Variants in ARHGAP32 observed in about 807,000 individuals in gnomAD.
The protein encoded by ARHGAP32 is Rho GTPase activating protein 32, also known as rho GTPase-activating protein 32.
Under a neutral mutation model 186.5 loss-of-function variants are expected in ARHGAP32, and 51 were observed. The ratio of observed to expected loss-of-function variants is 0.27; its 90% confidence interval spans 0.22 to 0.35. The LOEUF is 0.35. Ranked by LOEUF, ARHGAP32 falls within the 10% of genes least tolerant of loss-of-function variation. ARHGAP32 has a pLI of 1.00. For synonymous variants in ARHGAP32, 950 were observed against 964.3 expected (o/e 0.99, Z 0.27); for missense variants, 2,186 against 2,623.5 (o/e 0.83, Z 3.64).
chr11:129,181,818 A>G (rs1044463394), intron 1 of ARHGAP32, among the ~76,000 whole-genome samples: 1 of 152,146 alleles, frequency 6.6e-6, no homozygotes, highest in African/African-American at 2.4e-5. Flanking sequence ...AAAGGCATAT[A>G]AAGAAAAATT....
chr11:128,984,375 A>AG (rs1477076489), intron 15 of ARHGAP32, among the ~76,000 whole-genome samples: 1 of 145,936 alleles, frequency 6.9e-6, no homozygotes. Context: ...ACCCTGCCTC[A>AG]AAAAAAAAAA....
chr11:129,185,421 G>T (rs1226171766), intron 1 of ARHGAP32, among the ~76,000 whole-genome samples: 10 of 152,116 alleles, frequency 6.6e-5, no homozygotes, highest in Non-Finnish European at 1.2e-4. Context: ...TTGGACACAG[G>T]AAGGGGAACA....
At chr11:129,091,893 A>G (rs762455172) in intron 6 of ARHGAP32, among the ~76,000 whole-genome samples, 5 of 152,038 alleles carry the variant, frequency 3.3e-5, no homozygotes, top group Non-Finnish European at 7.4e-5. Flanking sequence ...AAAAAGTATG[A>G]TTCTAGGCTA....
intron 1 of ARHGAP32, among the ~76,000 whole-genome samples, chr11:129,167,077 T>C (rs140917074): frequency 5.9e-4 from 89 of 152,092 alleles, no homozygotes; most frequent in African/African-American, 1.8e-3. Flanking sequence ...GAAAAGATTT[T>C]TGAAAAATAA....
At chr11:129,113,588 T>A (rs1263510939) in intron 5 of ARHGAP32, among the ~76,000 whole-genome samples, 1 of 152,060 alleles carries the variant, frequency 6.6e-6, no homozygotes, top group Admixed American at 6.6e-5. Context: ...CTAGGCTGCA[T>A]GGTTCATCTG....
At chr11:129,247,250 T>TTAC (rs1945113048) in intron 1 of ARHGAP32, among the ~76,000 whole-genome samples, 1 of 149,916 alleles carries the variant, frequency 6.7e-6, no homozygotes, top group Non-Finnish European at 1.5e-5. Flanking sequence ...GCTAAAAGTA[T>TTAC]AAATGATGTG....
intron 1 of ARHGAP32, among the ~76,000 whole-genome samples, chr11:129,217,184 C>T (rs1335869280): frequency 6.6e-6 from 1 of 152,012 alleles, no homozygotes; most frequent in Non-Finnish European, 1.5e-5. Context: ...TTACTGTAAA[C>T]CTCCTTCTTT....
chr11:129,145,834 G>A (rs1943158392), intron 2 of ARHGAP32, among the ~76,000 whole-genome samples: 2 of 152,188 alleles, frequency 1.3e-5, no homozygotes, highest in Non-Finnish European at 2.9e-5. Context: ...CTTGATTCAT[G>A]CCAGAGAAGT....
At chr11:129,097,095 T>A (rs1018521656) in intron 5 of ARHGAP32, among the ~76,000 whole-genome samples, 5 of 151,714 alleles carry the variant, frequency 3.3e-5, no homozygotes, top group Non-Finnish European at 7.4e-5. Flanking sequence ...ATCATTAGAT[T>A]CAAATGTCCA....
intron 6 of ARHGAP32, among the ~76,000 whole-genome samples, chr11:129,080,316 T>C (rs551180558): frequency 1.1e-4 from 16 of 152,252 alleles, no homozygotes; most frequent in African/African-American, 3.6e-4. Flanking sequence ...TTCATCAGTA[T>C]ATGGATCATT....
intron 11 of ARHGAP32, among the ~76,000 whole-genome samples, chr11:129,027,006 G>C (rs1172955593): frequency 6.6e-6 from 1 of 150,724 alleles, no homozygotes; most frequent in African/African-American, 2.5e-5. Context: ...GGCTGAGGCA[G>C]GAGAATCTCT....
chr11:129,074,865 A>T (rs550771457), intron 6 of ARHGAP32, among the ~76,000 whole-genome samples: 406 of 152,326 alleles, frequency 2.7e-3, no homozygotes, highest in African/African-American at 9.3e-3. Flanking sequence ...ATGCTCAATT[A>T]AAAACAAAAA....
chr11:128,988,239 G>A lies in ARHGAP32; in HGVS notation c.1196-114C>T, dbSNP rs489556. 7 of 733,576 alleles carry A rather than the reference G, an allele frequency of 9.5e-6. No individual in the cohort carries two copies. The African/African-American group carries it at 1.2e-4, about 13-fold the overall frequency. The allele number at this position is 733,576 out of a possible 1,614,324, so 45.4% of individuals were successfully genotyped here. A position where few individuals can be genotyped will look rare whatever the true frequency, so the allele number is the denominator to read the frequency against. On this transcript the variant is annotated intron_variant, in intron 12 of 22. Transcript: ENST00000682385. ...AGTAAAATAAAATTTGTAAATTAAAGTTAAAAGGAGCAAAAATTAATCCAC... is the reference window on the plus strand; with the variant it reads ...AGTAAAATAAAATTTGTAAATTAAAATTAAAAGGAGCAAAAATTAATCCAC...
At chr11:129,158,743 A>G (rs1943467132) in intron 2 of ARHGAP32, among the ~76,000 whole-genome samples, 1 of 152,160 alleles carries the variant, frequency 6.6e-6, no homozygotes, top group South Asian at 2.1e-4. Context: ...TCCACTCCCA[A>G]ATCAACAGAC....
intron 1 of ARHGAP32, among the ~76,000 whole-genome samples, chr11:129,177,043 G>A (rs1002821291): frequency 1.3e-5 from 2 of 149,560 alleles, no homozygotes; most frequent in African/African-American, 4.9e-5. Context: ...CCGCTAGCAA[G>A]ACTAATAAAG....
intron 2 of ARHGAP32, among the ~76,000 whole-genome samples, chr11:129,152,834 G>A (rs927749955): frequency 2.0e-5 from 3 of 152,140 alleles, no homozygotes; most frequent in Non-Finnish European, 4.4e-5. Flanking sequence ...CACAAGACAA[G>A]GATGCCCACT....
intron 1 of ARHGAP32, among the ~76,000 whole-genome samples, chr11:129,237,473 T>C (rs1466414181): frequency 1.3e-5 from 2 of 152,152 alleles, no homozygotes; most frequent in African/African-American, 4.8e-5. Context: ...TATTGGGTAG[T>C]GATAAGTGCT....
At chr11:129,204,399 T>C (rs1202841995) in intron 1 of ARHGAP32, among the ~76,000 whole-genome samples, 3 of 151,936 alleles carry the variant, frequency 2.0e-5, no homozygotes, top group Non-Finnish European at 4.4e-5. Flanking sequence ...TAGGATGAAA[T>C]CAATAGGGGT....
intron 11 of ARHGAP32, among the ~76,000 whole-genome samples, chr11:129,004,126 C>A (rs1937638549): frequency 6.6e-6 from 1 of 151,478 alleles, no homozygotes; most frequent in African/African-American, 2.4e-5. Context: ...GACTCACCGT[C>A]TTTCAGGAGT....
Sources: gnomAD v4.1 joint callset for allele counts (sites outside exome capture counted in the v4.1 genomes callset) on GRCh38, gnomAD v4.1.1 for gene constraint, MANE v1.5 for transcripts, NCBI Gene and HGNC (gene_info 2026-07-23, HGNC 2026-07-21) for gene names.